SLIT1: variants seen among roughly 807,000 people sequenced by gnomAD.
The protein encoded by SLIT1 is slit homolog 1 protein.
SLIT1 carries 66 observed loss-of-function variants against 186.1 expected under a neutral mutation model. The ratio of observed to expected loss-of-function variants is 0.35; its 90% CI spans 0.29 to 0.44. The LOEUF (loss-of-function observed/expected upper bound fraction) is 0.44. Among genes scored for constraint, SLIT1 ranks in the 20% least tolerant of loss-of-function variants. The pLI is 1.00. For missense variants in SLIT1, 1,638 were observed against 2,037.4 expected (o/e 0.80, Z 3.77); for synonymous variants, 761 against 833.8 (o/e 0.91, Z 1.50).
At chr10:97,147,674 A>G (rs887179204) in intron 4 of SLIT1, among the ~76,000 whole-genome samples, 9 of 151,788 alleles carry the variant, frequency 5.9e-5, no homozygotes, top group Admixed American at 2.6e-4. Context: ...ACTGAGGCTC[A>G]CTCTCCACTA....
chr10:97,097,071 A>C (rs755797301), intron 4 of SLIT1, among the ~76,000 whole-genome samples: 3 of 152,148 alleles, frequency 2.0e-5, no homozygotes, highest in Non-Finnish European at 4.4e-5. Flanking sequence ...ACCCCAAAAG[A>C]GGCTGACCCT....
In SLIT1 at chr10:97,013,667, G is replaced by A. The variant is rs574561258; in HGVS notation, c.3203+74C>T. 100 of 1,076,006 alleles carry A rather than the reference G, an allele frequency of 9.3e-5. No individual in the cohort carries two copies. In the African/African-American group the frequency reaches 9.8e-4, roughly 11 times the overall value. 66.7% of individuals were successfully genotyped at this position (1,076,006 alleles called of 1,614,324 possible). Reference sequence around the variant, plus strand: ...AAATGAGGGAATGAGGGTGGGGCACGGAGCCCAGACTGGAATCCAGTCTGA... The same window carrying A: ...AAATGAGGGAATGAGGGTGGGGCACAGAGCCCAGACTGGAATCCAGTCTGA... On this transcript the variant is annotated intron_variant, in intron 30 of 36. Transcript: ENST00000266058.
chr10:97,122,897 G>A (rs902140003), intron 4 of SLIT1, among the ~76,000 whole-genome samples: 11 of 150,800 alleles, frequency 7.3e-5, no homozygotes, highest in Non-Finnish European at 7.4e-5. Flanking sequence ...TATTTCACCT[G>A]TCTATTTCAC....
At chr10:97,160,129 A>G (rs534548531) in intron 3 of SLIT1, among the ~76,000 whole-genome samples, 17 of 152,064 alleles carry the variant, frequency 1.1e-4, no homozygotes, top group African/African-American at 3.9e-4. Flanking sequence ...ACTCCTCTCC[A>G]CCTGCAGACC....
At chr10:97,117,327 A>G (rs977761704) in intron 4 of SLIT1, among the ~76,000 whole-genome samples, 4 of 152,192 alleles carry the variant, frequency 2.6e-5, no homozygotes, top group African/African-American at 9.6e-5. Flanking sequence ...AACAACGTCT[A>G]TTAAATAATT....
At chr10:97,061,194 C>T (rs1256470164) in intron 8 of SLIT1, among the ~76,000 whole-genome samples, 1 of 152,178 alleles carries the variant, frequency 6.6e-6, no homozygotes, top group African/African-American at 2.4e-5. Flanking sequence ...ATAATAAGTG[C>T]ACTACATGCA....
intron 1 of SLIT1, among the ~76,000 whole-genome samples, chr10:97,177,714 G>A (rs997036094): frequency 3.3e-5 from 5 of 152,188 alleles, no homozygotes; most frequent in African/African-American, 9.7e-5. Context: ...GGTGGCTCAC[G>A]CCTGTAATCC....
chr10:97,100,316 G>C (rs897862659), intron 4 of SLIT1, among the ~76,000 whole-genome samples: 2 of 152,134 alleles, frequency 1.3e-5, no homozygotes, highest in Admixed American at 6.6e-5. Context: ...GAGATGCATT[G>C]ATTGTACAGC....
At chr10:97,166,569 G>GAGAGAGAAAGAA (rs1444883867) in intron 1 of SLIT1, among the ~76,000 whole-genome samples, 3 of 58,958 alleles carry the variant, frequency 5.1e-5, no homozygotes, top group Admixed American at 1.9e-4. Flanking sequence ...GAGAGAGAGA[G>GAGAGAGAAAGAA]AGAAAGAAAG....
chr10:97,116,227 G>A (rs901660164), intron 4 of SLIT1, among the ~76,000 whole-genome samples: 3 of 152,120 alleles, frequency 2.0e-5, no homozygotes, highest in Non-Finnish European at 2.9e-5. Context: ...AGGAGGAGGA[G>A]GCAGCAGTAG....
At chr10:97,101,953 C>T (rs947172015) in intron 4 of SLIT1, 3 of 152,202 alleles carry the variant, frequency 2.0e-5, no homozygotes, top group Non-Finnish European at 4.4e-5. Context: ...GGATCCTGCC[C>T]TCAGGGTGAT....
intron 3 of SLIT1, among the ~76,000 whole-genome samples, chr10:97,161,174 G>A (rs978588218): frequency 6.6e-6 from 1 of 152,206 alleles, no homozygotes. Context: ...ACCCAGTGGG[G>A]TCATGTCTCG....
intron 22 of SLIT1, 95 bp from the exon 23 acceptor site, chr10:97,034,637 C>T (rs1848622278): frequency 2.6e-6 from 3 of 1,141,460 alleles, no homozygotes; most frequent in Non-Finnish European, 4.0e-6. Context: ...TGCCCAGGGC[C>T]ATTCCCCAGC....
Position 97,145,798 on chromosome 10 carries a change from T to C in SLIT1, c.413+12020A>G, listed in dbSNP as rs117838985. ...AGACAAAGATAAGGCTTCTCCAAGA[T>C]GCTCCACATAAACACTGGGGCCAAA... On this transcript the variant is annotated intron_variant, in intron 4 of 36. Coordinates refer to ENST00000266058, the MANE Select transcript of SLIT1 (RefSeq NM_003061.3). Among the ~76,000 whole-genome samples, 619 of 152,264 alleles carry C rather than the reference T, an allele frequency of 4.1e-3. 1 individual carries two copies. Among genetic ancestry groups the C allele is most frequent in the Middle Eastern group, 0.027 (8 of 294 alleles).
chr10:97,016,181 T>G (rs1848453722), intron 28 of SLIT1, among the ~76,000 whole-genome samples: 1 of 151,924 alleles, frequency 6.6e-6, no homozygotes, highest in Admixed American at 6.6e-5. Context: ...TGGTGGTGCA[T>G]GCCTGTAGTC....
In SLIT1 at chr10:97,018,984, T is replaced by G; in HGVS notation, c.2870A>C (p.Lys957Thr). The change falls in exon 27 of 37, where the codon AAG (lysine) becomes ACG (threonine). Residue 957 changes from lysine to threonine, a missense_variant and splice_region_variant. By Grantham distance (78) the Lys-to-Thr change is moderately conservative (BLOSUM62 -1). Around this residue, in one of 3 missense-constraint regions of SLIT1, gnomAD observed 1,245 missense variants for 1,535.3 expected, o/e 0.81. Coordinates refer to ENST00000266058, the MANE Select transcript of SLIT1 (RefSeq NM_003061.3). ...TCCCCGGCCTCTGCCTCCACTCACC[T>G]TATAGCCGCTGGGGCAGGCGCACCT... ...VYRCACPSGY[K>T]GRDCEVSLDS... is the part of the protein sequence containing the mutation. 1 of 1,602,132 alleles carries G rather than the reference T, an allele frequency of 6.2e-7. No individual in the cohort carries two copies. Among genetic ancestry groups the G allele is most frequent in the Non-Finnish European group, 8.6e-7 (1 of 1,169,416 alleles).
At chr10:97,051,737 C>T (rs764305649) in intron 13 of SLIT1, among the ~76,000 whole-genome samples, 13 of 148,596 alleles carry the variant, frequency 8.7e-5, no homozygotes, top group African/African-American at 7.4e-5. Flanking sequence ...GCTTAAACCT[C>T]GGAGGTGGAG....
At chr10:97,131,461 A>G (rs531641524) in intron 4 of SLIT1, among the ~76,000 whole-genome samples, 4 of 152,342 alleles carry the variant, frequency 2.6e-5, no homozygotes, top group East Asian at 3.9e-4. Context: ...ACACAGGCCC[A>G]TGCCTCTGCC....
intron 20 of SLIT1, among the ~76,000 whole-genome samples, chr10:97,041,477 T>A (rs1316549843): frequency 6.6e-6 from 1 of 151,758 alleles, no homozygotes; most frequent in Non-Finnish European, 1.5e-5. Context: ...TCGTTAATTT[T>A]TTTTTTTTTT....
Sources: gnomAD v4.1 joint callset for allele counts (sites outside exome capture counted in the v4.1 genomes callset) on GRCh38, gnomAD v4.1.1 for gene constraint, gnomAD v4.1.1 regional missense constraint, MANE v1.5 for transcripts, NCBI Gene and HGNC (gene_info 2026-07-23, HGNC 2026-07-21) for gene names.